Variants in SYT1 observed in about 807,000 individuals in gnomAD.
SYT1 encodes synaptotagmin 1, also known as synaptotagmin-1.
Under a neutral mutation model 44.8 loss-of-function variants are expected in SYT1, and 8 were observed. The ratio of observed to expected loss-of-function variants is 0.18; its 90% CI spans 0.10 to 0.32. The LOEUF is 0.32. SYT1 is among the 10% of genes least tolerant of loss of function. The pLI is 1.00. For synonymous variants in SYT1, 154 were observed against 188.8 expected, an observed-to-expected ratio of 0.82 and a Z score of 1.51; for missense variants, 286 against 509.3, an observed-to-expected ratio of 0.56 and a Z score of 4.22.
intron 3 of SYT1, among the ~76,000 whole-genome samples, chr12:79,115,340 G>C (rs1879219006): frequency 1.3e-5 from 2 of 152,234 alleles, no homozygotes; most frequent in South Asian, 4.2e-4. Context: ...CACTTACATA[G>C]TGAGAAATAT....
intron 4 of SYT1, among the ~76,000 whole-genome samples, chr12:79,264,901 T>G (rs1878041705): frequency 6.6e-6 from 1 of 152,190 alleles, no homozygotes; most frequent in African/African-American, 2.4e-5. Flanking sequence ...ATGTCTTGCC[T>G]TTCAGTTTTT....
intron 3 of SYT1, among the ~76,000 whole-genome samples, chr12:79,112,832 A>G (rs1318725666): frequency 6.6e-6 from 1 of 152,078 alleles, no homozygotes; most frequent in Non-Finnish European, 1.5e-5. Context: ...TCCCTTTGGT[A>G]CTTGTAGAGA....
At chr12:78,948,510 T>TATAA (rs1412054579) in intron 1 of SYT1, among the ~76,000 whole-genome samples, 1 of 152,064 alleles carries the variant, frequency 6.6e-6, no homozygotes. Context: ...GGTCATTTTA[T>TATAA]GTCTGTTCTA....
intron 4 of SYT1, among the ~76,000 whole-genome samples, chr12:79,231,402 C>G (rs572483413): frequency 7.5e-4 from 114 of 152,132 alleles, no homozygotes; most frequent in South Asian, 4.8e-3. Flanking sequence ...CTTTCATTGA[C>G]ACTGCTACCC....
Position 79,204,210 on chromosome 12 carries a change from A to G in SYT1, c.-17-13293A>G, listed in dbSNP as rs181232735. Among the ~76,000 whole-genome samples, 312 of 152,362 alleles carry G rather than the reference A, an allele frequency of 2.0e-3. 1 individual carries two copies. Among genetic ancestry groups the G allele is most frequent in the African/African-American group, 7.1e-3 (294 of 41,588 alleles). On this transcript the variant is annotated intron_variant, in intron 3 of 10. Transcript: ENST00000261205. The stretch of plus-strand genomic sequence containing the variant: ...AAAGCACTTATAATAATGTCTAGGT[A>G]ATAGTATAGCTTAATAAATGTTAGA...
intron 3 of SYT1, among the ~76,000 whole-genome samples, chr12:79,123,484 G>A (rs1641092644): frequency 6.6e-6 from 1 of 152,146 alleles, no homozygotes; most frequent in Admixed American, 6.5e-5. Context: ...TTCTAAAGAT[G>A]AGGAATCTGA....
At chr12:79,087,303 T>G (rs1300721662) in intron 3 of SYT1, among the ~76,000 whole-genome samples, 1 of 152,150 alleles carries the variant, frequency 6.6e-6, no homozygotes, top group African/African-American at 2.4e-5. Context: ...ACAAGTCTCT[T>G]ATGGAACTCG....
chr12:79,239,181 T>C (rs950271490), intron 4 of SYT1, among the ~76,000 whole-genome samples: 1 of 152,198 alleles, frequency 6.6e-6, no homozygotes, highest in Non-Finnish European at 1.5e-5. Flanking sequence ...GATATCTTAG[T>C]TTTCTATTGC....
At chr12:79,067,197 T>C (rs1652560478) in intron 3 of SYT1, among the ~76,000 whole-genome samples, 1 of 152,208 alleles carries the variant, frequency 6.6e-6, no homozygotes, top group South Asian at 2.1e-4. Context: ...GAGCCTAATG[T>C]TATAGATTTT....
intron 4 of SYT1, among the ~76,000 whole-genome samples, chr12:79,221,680 C>T (rs1875172125): frequency 2.0e-5 from 3 of 152,078 alleles, no homozygotes; most frequent in South Asian, 4.1e-4. Context: ...AAAACCTCTA[C>T]AATTTTACTC....
chr12:79,050,904 G>T (rs973905255), intron 3 of SYT1, among the ~76,000 whole-genome samples: 1 of 151,904 alleles, frequency 6.6e-6, no homozygotes, highest in Non-Finnish European at 1.5e-5. Flanking sequence ...TGTAATAGTG[G>T]CATAAAGCTA....
intron 1 of SYT1, among the ~76,000 whole-genome samples, chr12:78,876,161 T>C (rs1874057298): frequency 1.3e-5 from 2 of 151,630 alleles, no homozygotes; most frequent in Non-Finnish European, 3.0e-5. Context: ...TCATTTTGTG[T>C]CGATTATCAC....
intron 4 of SYT1, among the ~76,000 whole-genome samples, chr12:79,277,452 C>T (rs756530605): frequency 5.9e-5 from 9 of 151,978 alleles, no homozygotes; most frequent in Non-Finnish European, 1.2e-4. Context: ...AAAGTCATTC[C>T]CAGACAAACA....
chr12:79,039,732 A>G (rs1873399088), intron 2 of SYT1, among the ~76,000 whole-genome samples: 1 of 149,924 alleles, frequency 6.7e-6, no homozygotes, highest in Admixed American at 6.7e-5. Flanking sequence ...CTAACTGGTC[A>G]TCTAGCATTA....
intron 3 of SYT1, among the ~76,000 whole-genome samples, chr12:79,102,717 A>G (rs1490965930): frequency 6.6e-6 from 1 of 152,156 alleles, no homozygotes; most frequent in East Asian, 1.9e-4. Context: ...CATATTCGAA[A>G]TACCTCATTG....
chr12:79,266,343 A>T (rs1347992991), intron 4 of SYT1, among the ~76,000 whole-genome samples: 1 of 152,176 alleles, frequency 6.6e-6, no homozygotes, highest in Non-Finnish European at 1.5e-5. Context: ...TAAAGGGCTT[A>T]TATATGGTAT....
chr12:78,885,331 G>A (rs28726307), intron 1 of SYT1, among the ~76,000 whole-genome samples: 75 of 18,124 alleles, frequency 4.1e-3, no homozygotes, highest in Non-Finnish European at 5.3e-3. Flanking sequence ...AAGGAAGGAG[G>A]GAAGGAAGAA....
At chr12:78,907,169 C>A (rs921425025) in intron 1 of SYT1, among the ~76,000 whole-genome samples, 5 of 151,664 alleles carry the variant, frequency 3.3e-5, no homozygotes, top group Admixed American at 6.6e-5. Context: ...TGTCATGTTT[C>A]CCATTTTAAA....
At chr12:79,298,530 C>G (rs1036177349) in intron 7 of SYT1, among the ~76,000 whole-genome samples, 4 of 152,118 alleles carry the variant, frequency 2.6e-5, no homozygotes, top group African/African-American at 9.7e-5. Flanking sequence ...GAAAATTGAT[C>G]AAACCTTTAA....
Sources: gnomAD v4.1 joint callset for allele counts (sites outside exome capture counted in the v4.1 genomes callset) on GRCh38, gnomAD v4.1.1 for gene constraint, MANE v1.5 for transcripts, NCBI Gene and HGNC (gene_info 2026-07-23, HGNC 2026-07-21) for gene names.